The following AQP2 variants were observed in gnomAD, a reference collection of about 807,000 sequenced individuals.
The protein encoded by AQP2 is aquaporin 2.
Under a neutral mutation model 21.6 loss-of-function variants are expected in AQP2, and 20 were observed. The ratio of observed to expected loss-of-function variants is 0.92; its 90% CI spans 0.65 to 1.34. The LOEUF (loss-of-function observed/expected upper bound fraction) is 1.34. AQP2 is among the 40% of genes most tolerant of loss of function. The probability of loss-of-function intolerance (pLI) is 0.00; values close to 1 mark genes in which losing one functional copy is unlikely to be tolerated. For synonymous variants in AQP2, 168 were observed against 166.9 expected, an observed-to-expected ratio of 1.01 and a Z score of -0.05; for missense variants, 325 against 363.4, an observed-to-expected ratio of 0.89 and a Z score of 0.86.
chr12:49,955,438 T>G lies in AQP2; in HGVS notation c.646T>G (p.Ser216Ala). ...IGPLVGAILG[S>A]LLYNYVLFPP... ...ACCCCTGGTGGGCGCCATCCTGGGC[T>G]CCCTCCTCTACAACTACGTGCTGTT... Residue 216 changes from serine to alanine, a missense_variant, in exon 4 of 4, where the codon TCC becomes GCC. Transcript: ENST00000199280. 6.2e-7 allele frequency: 1 copy of G among 1,612,646 alleles called. No individual in the cohort carries two copies. Among genetic ancestry groups the G allele is most frequent in the Non-Finnish European group, 8.5e-7 (1 of 1,179,784 alleles).
chr12:49,952,730 G>A (rs985452605), intron 1 of AQP2, among the ~76,000 whole-genome samples: 16 of 152,186 alleles, frequency 1.1e-4, no homozygotes, highest in African/African-American at 3.9e-4. Context: ...TTACCACCTT[G>A]AGGACCTGGG....
In AQP2 at chr12:49,954,509, A is replaced by C. The variant is rs116041884; in HGVS notation, c.526-121A>C. 8.2e-4 allele frequency: 1,080 copies of C among 1,317,666 alleles called. 7 individuals are homozygous for C. In the African/African-American group the frequency reaches 0.014, roughly 17 times the overall value. The allele number at this position is 1,317,666 out of a possible 1,614,324, so 81.6% of individuals were successfully genotyped here. Reference sequence around the variant, plus strand: ...CCAGCCCATCTGTAAATAAAACGTGATGTTAATTGTCCATCACGTGGGTTC... The same window carrying C: ...CCAGCCCATCTGTAAATAAAACGTGCTGTTAATTGTCCATCACGTGGGTTC... On this transcript the variant is annotated intron_variant, in intron 2 of 3. Coordinates refer to ENST00000199280, the MANE Select transcript of AQP2 (RefSeq NM_000486.6).
Position 49,951,101 on chromosome 12 carries a change from G to A in AQP2, c.271G>A (p.Ala91Thr). The A allele has an allele frequency of 6.2e-7, 1 of 1,608,570 alleles. No homozygotes were observed. Among genetic ancestry groups the A allele is most frequent in the South Asian group, 1.1e-5 (1 of 90,950 alleles). Reference sequence around the variant, plus strand: ...CGTTCTCCGAGCCGCCTTCTACGTGGCTGCCCAGCTGCTGGGGGCTGTGGC... The same window carrying A: ...CGTTCTCCGAGCCGCCTTCTACGTGACTGCCCAGCTGCTGGGGGCTGTGGC... ...VSVLRAAFYV[A>T]AQLLGAVAGA... The change falls in exon 1 of 4, where the codon GCT (alanine) becomes ACT (threonine). Residue 91 changes from alanine (A) to threonine (T), a missense_variant. Transcript: ENST00000199280.
chr12:49,951,506 G>C (rs1359767611), intron 1 of AQP2: 1 of 380,120 alleles, frequency 2.6e-6, no homozygotes, highest in East Asian at 4.1e-5. Context: ...CTCAGCAGGG[G>C]TTGGTGTCCC....
rs1316198070 is a variant in AQP2 at position 49,956,810 on chromosome 12, A to G, written c.*1202A>G. 6.6e-6 allele frequency: 1 copy of G among 152,390 alleles called. No individual in the cohort carries two copies. Among genetic ancestry groups the G allele is most frequent in the East Asian group, 1.9e-4 (1 of 5,194 alleles). The allele number at this position is 152,390 out of a possible 1,614,324, so 9.4% of individuals were successfully genotyped here. ...AGGCAGCAGCTTTTCCACCCCAGGA[A>G]TCTCTGTTCCTTCTCTGTCTGCCTC... On this transcript the variant is annotated 3_prime_UTR_variant, in exon 4 of 4. Transcript: ENST00000199280.
chr12:49,952,244 C>T (rs1947335568), intron 1 of AQP2, among the ~76,000 whole-genome samples: 1 of 152,018 alleles, frequency 6.6e-6, no homozygotes, highest in Admixed American at 6.6e-5. Context: ...CCTCAGCCTC[C>T]CATGGGATTA....
At position 49,955,295 on chromosome 12, in the gene AQP2, G is replaced by A. The variant is rs1174236130; in HGVS notation, c.607-104G>A. Reference sequence around the variant, plus strand: ...TAAATAAGCATTTTACTAGATTAATGTCGGGGAGGAGAGGTGCGGCCGCAG... The same window carrying A: ...TAAATAAGCATTTTACTAGATTAATATCGGGGAGGAGAGGTGCGGCCGCAG... On this transcript the variant is annotated intron_variant, in intron 3 of 3. Coordinates refer to ENST00000199280, the MANE Select transcript of AQP2 (RefSeq NM_000486.6). 4.2e-5 allele frequency: 49 copies of A among 1,155,182 alleles called. 1 individual carries two copies. Among genetic ancestry groups the A allele is most frequent in the Non-Finnish European group, 1.8e-5 (15 of 822,716 alleles). The allele number at this position is 1,155,182 out of a possible 1,614,324, so 71.6% of individuals were successfully genotyped here.
Position 49,950,772 on chromosome 12 carries a change from G to A in AQP2, c.-59G>A, listed in dbSNP as rs62620006. The A allele has an allele frequency of 1.3e-3, 2,011 of 1,579,204 alleles. 20 individuals are homozygous for A. The African/African-American group carries it at 0.024, about 19-fold the overall frequency. On this transcript the variant is annotated 5_prime_UTR_variant, in exon 1 of 4. Coordinates refer to ENST00000199280, the MANE Select transcript of AQP2 (RefSeq NM_000486.6). ...AAAGAGAGCGATAGAGTGCGAGAGC[G>A]AGTGCCCGGAGCATCCTGGCCCTGA...
Position 49,955,858 on chromosome 12 carries a change from A to G in AQP2, c.*250A>G, listed in dbSNP as rs373992535. The G allele has an allele frequency of 7.0e-5, 46 of 655,780 alleles. No individual in the cohort carries two copies. Among genetic ancestry groups the G allele is most frequent in the East Asian group, 3.3e-4 (12 of 36,376 alleles). 40.6% of individuals were successfully genotyped at this position (655,780 alleles called of 1,614,324 possible). On this transcript the variant is annotated 3_prime_UTR_variant, in exon 4 of 4. Coordinates refer to ENST00000199280, the MANE Select transcript of AQP2 (RefSeq NM_000486.6). ...AGTGGTGGCTTCTCCAGCCTTTTTC[A>G]GGGAACTGGGAACTTAGGGGACTGA...
chr12:49,954,521 C>A, intron 2 of AQP2, 109 bp from the exon 3 acceptor site: 2 of 1,362,796 alleles, frequency 1.5e-6, no homozygotes, highest in Non-Finnish European at 2.1e-6. Flanking sequence ...GTTAATTGTC[C>A]ATCACGTGGG....
Position 49,955,845 on chromosome 12 carries a change from T to A in AQP2, c.*237T>A. ...GCTGTGAGCAGCTAGTGGTGGCTTC[T>A]CCAGCCTTTTTCAGGGAACTGGGAA... On this transcript the variant is annotated 3_prime_UTR_variant, in exon 4 of 4. Coordinates refer to ENST00000199280, the MANE Select transcript of AQP2 (RefSeq NM_000486.6). 1.5e-6 allele frequency: 1 copy of A among 675,788 alleles called. No individual in the cohort carries two copies. The allele number at this position is 675,788 out of a possible 1,614,324, so 41.9% of individuals were successfully genotyped here.
chr12:49,950,918 T>C lies in AQP2; in HGVS notation c.88T>C (p.Ser30Pro). The change falls in exon 1 of 4, where the codon TCT becomes CCT. Residue 30 changes from serine to proline, a missense_variant. Ser to Pro is a moderately conservative substitution (Grantham distance 74). Coordinates refer to ENST00000199280, the MANE Select transcript of AQP2 (RefSeq NM_000486.6). ...TLLFVFFGLGSALNWPQALPS... is the reference protein window; with the variant it reads ...TLLFVFFGLGPALNWPQALPS... ...CCTCTTCGTCTTCTTTGGCCTCGGCTCTGCCCTCAACTGGCCACAGGCCCT... is the reference window on the plus strand; with the variant it reads ...CCTCTTCGTCTTCTTTGGCCTCGGCCCTGCCCTCAACTGGCCACAGGCCCT... The C allele has an allele frequency of 6.2e-7, 1 of 1,614,206 alleles. No individual in the cohort carries two copies. The highest frequency in any genetic ancestry group is 1.7e-5 in the Admixed American group (1 of 60,030).
rs557230385 is a variant in AQP2, at chr12:49,956,682, T to G, written c.*1074T>G. Reference sequence around the variant, plus strand: ...ACTCAGTTTCACAAGTGAGCCCTCTTGCCCAGCACACACCTATGGCTGGCT... The same window carrying G: ...ACTCAGTTTCACAAGTGAGCCCTCTGGCCCAGCACACACCTATGGCTGGCT... On this transcript the variant is annotated 3_prime_UTR_variant, in exon 4 of 4. Coordinates refer to ENST00000199280, the MANE Select transcript of AQP2 (RefSeq NM_000486.6). 3.7e-4 allele frequency: 56 copies of G among 152,362 alleles called. 1 individual carries two copies. Among genetic ancestry groups the G allele is most frequent in the African/African-American group, 1.3e-3 (55 of 41,574 alleles). The allele number at this position is 152,362 out of a possible 1,614,324, so 9.4% of individuals were successfully genotyped here. A position where few individuals can be genotyped will look rare whatever the true frequency, so the allele number is the denominator to read the frequency against.
In AQP2 at chr12:49,951,109, G is replaced by C; in HGVS notation, c.279G>C (p.Gln93His). Residue 93 changes from glutamine to histidine, a missense_variant, in exon 1 of 4, where the codon CAG becomes CAC. Physicochemically the swap from Gln to His is conservative, Grantham distance 24 (BLOSUM62 0). Coordinates refer to ENST00000199280, the MANE Select transcript of AQP2 (RefSeq NM_000486.6). ...VLRAAFYVAAQLLGAVAGAAL... is the reference protein window; with the variant it reads ...VLRAAFYVAAHLLGAVAGAAL... ...GAGCCGCCTTCTACGTGGCTGCCCA[G>C]CTGCTGGGGGCTGTGGCCGGAGCCG... 6.2e-7 allele frequency: 1 copy of C among 1,607,780 alleles called. No individual in the cohort carries two copies. Among genetic ancestry groups the C allele is most frequent in the Non-Finnish European group, 8.5e-7 (1 of 1,175,416 alleles).
rs376235969 is a variant in AQP2 at position 49,958,221 on chromosome 12, C to G, written c.*2613C>G. The G allele has an allele frequency of 5.9e-5, 9 of 152,378 alleles. No homozygotes were observed. In the East Asian group the frequency reaches 1.7e-3, roughly 29 times the overall value. 9.4% of individuals were successfully genotyped at this position (152,378 alleles called of 1,614,324 possible). A position where few individuals can be genotyped will look rare whatever the true frequency, so the allele number is the denominator to read the frequency against. ...TCGTCCCCTGTGATTATCTCCCAAC[C>G]CCGTGACAAAGGTAGAGCAAATATT... On this transcript the variant is annotated 3_prime_UTR_variant, in exon 4 of 4. Coordinates refer to ENST00000199280, the MANE Select transcript of AQP2 (RefSeq NM_000486.6).
chr12:49,953,464 C>T (rs1410120269), intron 1 of AQP2, among the ~76,000 whole-genome samples: 1 of 152,206 alleles, frequency 6.6e-6, no homozygotes, highest in East Asian at 1.9e-4. Flanking sequence ...CTGCTGAGAC[C>T]ATGGGCAGCC....
In AQP2 at chr12:49,958,593, A is replaced by G. The variant is rs1459224118; in HGVS notation, c.*2985A>G. On this transcript the variant is annotated 3_prime_UTR_variant, in exon 4 of 4. Coordinates refer to ENST00000199280, the MANE Select transcript of AQP2 (RefSeq NM_000486.6). ...CCAAACCAGACAGAGGCAGGGCAGC[A>G]TGGAGACAGGTAGACAGACCTCCAG... 1 of 152,364 alleles carries G rather than the reference A, an allele frequency of 6.6e-6. No homozygotes were observed. The highest frequency in any genetic ancestry group is 2.4e-5 in the African/African-American group (1 of 41,468). 9.4% of individuals were successfully genotyped at this position (152,364 alleles called of 1,614,324 possible).
rs886049556 is a variant in AQP2, at chr12:49,958,761, T to C, written c.*3153T>C. The C allele has an allele frequency of 6.6e-6, 1 of 152,258 alleles. No homozygotes were observed. The highest frequency in any genetic ancestry group is 2.4e-5 in the African/African-American group (1 of 41,472). The allele number at this position is 152,258 out of a possible 1,614,324, so 9.4% of individuals were successfully genotyped here. A position where few individuals can be genotyped will look rare whatever the true frequency, so the allele number is the denominator to read the frequency against. ...TTGTATATATACAATGCCTCCCAGC[T>C]AGACTGTAAGCCCTTTGGGGACAAG... is the stretch of plus-strand genomic sequence containing the variant. On this transcript the variant is annotated 3_prime_UTR_variant, in exon 4 of 4. Transcript: ENST00000199280.
rs757637414 is a variant in AQP2, at chr12:49,955,632, C to T, written c.*24C>T. The T allele has an allele frequency of 1.6e-5, 24 of 1,537,492 alleles. No individual in the cohort carries two copies. The highest frequency in any genetic ancestry group is 2.0e-5 in the Non-Finnish European group (23 of 1,147,988). ...GAGGGCCGCCAGCGGCCTCTACGGCCCCGACGGACGCTTGTGAGGCCCGAG... is the reference window on the plus strand; with the variant it reads ...GAGGGCCGCCAGCGGCCTCTACGGCTCCGACGGACGCTTGTGAGGCCCGAG... On this transcript the variant is annotated 3_prime_UTR_variant, in exon 4 of 4. Transcript: ENST00000199280.
Sources: allele counts gnomAD v4.1 joint callset (sites outside exome capture counted in the v4.1 genomes callset), GRCh38; gene constraint gnomAD v4.1.1; transcripts MANE v1.5; gene names NCBI Gene and HGNC (gene_info 2026-07-23, HGNC 2026-07-21).